DGKB: variants seen among roughly 807,000 people sequenced by gnomAD.
DGKB encodes the protein diacylglycerol kinase beta.
Under a neutral mutation model 114.3 loss-of-function variants are expected in DGKB, and 67 were observed. That is an observed-to-expected ratio of 0.59 (90% confidence interval 0.48 to 0.72). The LOEUF is 0.72. Among genes scored for constraint, DGKB ranks in the 30% least tolerant of loss-of-function variants. The probability of loss-of-function intolerance (pLI) is 0.00; values close to 1 mark genes in which losing one functional copy is unlikely to be tolerated. For synonymous variants in DGKB, 398 were observed against 323.1 expected, an observed-to-expected ratio of 1.23 and a Z score of -2.49; for missense variants, 907 against 975.2, an observed-to-expected ratio of 0.93 and a Z score of 0.93.
chr7:14,428,254 T>C (rs1184536618), intron 21 of DGKB, among the ~76,000 whole-genome samples: 1 of 152,082 alleles, frequency 6.6e-6, no homozygotes, highest in Non-Finnish European at 1.5e-5. Context: ...TCAGTTCTGT[T>C]CTCTGAGCCC....
At chr7:14,304,041 T>C (rs997159493) in intron 23 of DGKB, among the ~76,000 whole-genome samples, 19 of 93,762 alleles carry the variant, frequency 2.0e-4, no homozygotes, top group Non-Finnish European at 3.8e-4. Context: ...CATTTGTTCT[T>C]ATAGAACACA....
intron 4 of DGKB, among the ~76,000 whole-genome samples, chr7:14,748,815 T>A (rs1057182695): frequency 4.3e-4 from 65 of 152,308 alleles, no homozygotes; most frequent in Admixed American, 2.5e-3. Context: ...AGCTCACCAC[T>A]AATTAATAAG....
At chr7:14,821,031 T>C (rs1313692117) in intron 2 of DGKB, among the ~76,000 whole-genome samples, 2 of 152,302 alleles carry the variant, frequency 1.3e-5, no homozygotes, top group South Asian at 2.1e-4. Context: ...CAGAAAGGTC[T>C]ATGCTCCTAC....
At chr7:14,314,541 GATGAA>G (rs1197195624) in intron 23 of DGKB, among the ~76,000 whole-genome samples, 2 of 152,058 alleles carry the variant, frequency 1.3e-5, no homozygotes, top group African/African-American at 4.8e-5. Flanking sequence ...AGCAATGGAA[GATGAA>G]ATGAATGAAA....
At chr7:14,404,124 T>C (rs1218175016) in intron 21 of DGKB, among the ~76,000 whole-genome samples, 2 of 151,218 alleles carry the variant, frequency 1.3e-5, no homozygotes, top group East Asian at 3.9e-4. Context: ...AGCTTACTTA[T>C]TTAGTGAGGT....
chr7:14,315,107 T>C (rs1806219807), intron 23 of DGKB, among the ~76,000 whole-genome samples: 1 of 148,100 alleles, frequency 6.8e-6, no homozygotes, highest in Non-Finnish European at 1.5e-5. Context: ...CCACCAGGCC[T>C]GCCCTAAAAG....
intron 16 of DGKB, among the ~76,000 whole-genome samples, chr7:14,611,552 T>A (rs543222569): frequency 2.6e-5 from 4 of 152,226 alleles, no homozygotes; most frequent in African/African-American, 9.6e-5. Context: ...TGAAAACAGA[T>A]CACCTTTAAA....
At chr7:14,519,864 CTGTT>C (rs1388356695) in intron 20 of DGKB, among the ~76,000 whole-genome samples, 4 of 151,734 alleles carry the variant, frequency 2.6e-5, no homozygotes, top group Non-Finnish European at 4.4e-5. Context: ...TGTGAAATGT[CTGTT>C]TAAGTAATTA....
chr7:14,297,335 A>T (rs1802754913), intron 23 of DGKB, among the ~76,000 whole-genome samples: 1 of 152,148 alleles, frequency 6.6e-6, no homozygotes, highest in Admixed American at 6.5e-5. Context: ...ATCCAGCAGC[A>T]CTTCAAAAAG....
intron 1 of DGKB, among the ~76,000 whole-genome samples, chr7:14,867,317 G>A (rs1050666414): frequency 6.6e-6 from 1 of 151,992 alleles, no homozygotes. Flanking sequence ...GGTCATCTAA[G>A]TATTCTCTTA....
intron 5 of DGKB, among the ~76,000 whole-genome samples, chr7:14,728,410 C>G (rs1830336783): frequency 6.6e-6 from 1 of 152,160 alleles, no homozygotes; most frequent in Non-Finnish European, 1.5e-5. Flanking sequence ...TTGGCTACCT[C>G]TCTCGCCTCT....
At chr7:14,341,718 A>G (rs1265361915) in intron 22 of DGKB, among the ~76,000 whole-genome samples, 2 of 151,904 alleles carry the variant, frequency 1.3e-5, no homozygotes, top group Non-Finnish European at 2.9e-5. Context: ...AATGTGTTTT[A>G]ACCTTCATAA....
At chr7:14,694,304 G>T in intron 8 of DGKB, 110 bp from the exon 9 acceptor site, 1 of 970,054 alleles carries the variant, frequency 1.0e-6, no homozygotes, top group Non-Finnish European at 1.5e-6. Context: ...TGGGATAACT[G>T]TCTTGCTAAC....
chr7:14,892,314 C>A (rs1781372931), intron 1 of DGKB, among the ~76,000 whole-genome samples: 1 of 151,038 alleles, frequency 6.6e-6, no homozygotes, highest in African/African-American at 2.4e-5. Context: ...GGGATTTCTG[C>A]CAAGGATAAT....
intron 1 of DGKB, among the ~76,000 whole-genome samples, chr7:14,931,124 T>C (rs1784994576): frequency 6.6e-6 from 1 of 151,506 alleles, no homozygotes; most frequent in Admixed American, 6.6e-5. Context: ...TTTTTTTTTT[T>C]TTTTTGAGAT....
chr7:14,700,962 C>T (rs531708661), intron 7 of DGKB, among the ~76,000 whole-genome samples: 1 of 152,012 alleles, frequency 6.6e-6, no homozygotes, highest in African/African-American at 2.4e-5. Flanking sequence ...TGGATAGAAC[C>T]TGAGATGGAA....
intron 5 of DGKB, among the ~76,000 whole-genome samples, chr7:14,723,209 T>C (rs1450068306): frequency 6.6e-6 from 1 of 152,122 alleles, no homozygotes; most frequent in Non-Finnish European, 1.5e-5. Flanking sequence ...CCTGACTTCT[T>C]GACTACAGCT....
At chr7:14,321,067 G>T (rs7800368) in intron 23 of DGKB, among the ~76,000 whole-genome samples, 3,741 of 152,168 alleles carry the variant, frequency 0.025, 143 homozygotes, top group African/African-American at 0.085. Context: ...GAGGCGGGCG[G>T]ATGACTTGAG....
At chr7:14,538,492 T>C (rs1450364856) in intron 20 of DGKB, among the ~76,000 whole-genome samples, 1 of 152,074 alleles carries the variant, frequency 6.6e-6, no homozygotes. Context: ...TAATAACTGT[T>C]GGTAAAGTTA....
Sources: allele counts gnomAD v4.1 joint callset (sites outside exome capture counted in the v4.1 genomes callset), GRCh38; gene constraint gnomAD v4.1.1; transcripts MANE v1.5; gene names NCBI Gene and HGNC (gene_info 2026-07-23, HGNC 2026-07-21).